The following OPRK1 variants were observed in gnomAD, a reference collection of about 807,000 sequenced individuals.
The protein encoded by OPRK1 is kappa-type opioid receptor.
OPRK1 carries 15 observed loss-of-function variants against 24.5 expected under a neutral mutation model. The observed-to-expected ratio is 0.61, with a 90% CI of 0.41 to 0.94. The LOEUF is 0.94. Ranked by LOEUF, OPRK1 falls within the 40% of genes least tolerant of loss-of-function variation. The pLI is 0.00. For synonymous variants in OPRK1, 205 were observed against 198.0 expected, an observed-to-expected ratio of 1.04 and a Z score of -0.30; for missense variants, 479 against 507.3, an observed-to-expected ratio of 0.94 and a Z score of 0.54.
intron 2 of OPRK1, among the ~76,000 whole-genome samples, chr8:53,235,828 G>A (rs959806040): frequency 3.9e-5 from 6 of 152,306 alleles, no homozygotes; most frequent in Middle Eastern, 3.4e-3. Flanking sequence ...CCAATTGAGA[G>A]AAGAGTAATT....
rs542612524 is a variant in OPRK1 at position 53,251,594 on chromosome 8, C to G, written c.-195G>C. On this transcript the variant is annotated 5_prime_UTR_variant, in exon 1 of 4. Coordinates refer to ENST00000265572, the MANE Select transcript of OPRK1 (RefSeq NM_000912.5). ...GCTCTCCGCCCGAGGGCTGCTGTTC[C>G]GCCGAGCGCAGCCCCCGCCTCTCAG... 4 of 151,886 alleles carry G rather than the reference C, an allele frequency of 2.6e-5. No homozygotes were observed. In the East Asian group the frequency reaches 7.7e-4, roughly 29 times the overall value. The allele number at this position is 151,886 out of a possible 1,614,324, so 9.4% of individuals were successfully genotyped here. A position where few individuals can be genotyped will look rare whatever the true frequency, so the allele number is the denominator to read the frequency against.
chr8:53,243,243 A>G (rs1317611977), intron 2 of OPRK1, among the ~76,000 whole-genome samples: 1 of 152,260 alleles, frequency 6.6e-6, no homozygotes, highest in Admixed American at 6.5e-5. Context: ...ATGACAATTA[A>G]GTGCATCCAA....
At chr8:53,244,211 T>C (rs751711632) in intron 2 of OPRK1, among the ~76,000 whole-genome samples, 1 of 138,642 alleles carries the variant, frequency 7.2e-6, no homozygotes, top group Non-Finnish European at 1.5e-5. Flanking sequence ...AATGAGTCAG[T>C]AAATGGCACA....
In OPRK1 at chr8:53,229,388, C is replaced by G. The variant is rs1348911140; in HGVS notation, c.1052G>C (p.Arg351Thr). The G allele has an allele frequency of 4.3e-6, 7 of 1,614,202 alleles. No homozygotes were observed. Among genetic ancestry groups the G allele is most frequent in the Non-Finnish European group, 5.1e-6 (6 of 1,180,044 alleles). The change falls in exon 4 of 4, where the codon AGG becomes ACG. Residue 351 changes from arginine to threonine, a missense_variant. Physicochemically the swap from Arg to Thr is moderately conservative, Grantham distance 71 (BLOSUM62 -1). Coordinates refer to ENST00000265572, the MANE Select transcript of OPRK1 (RefSeq NM_000912.5). ...FRDFCFPLKM[R>T]MERQSTSRVR... is the part of the protein sequence containing the mutation. ...TCTGCTAGTGCTCTGCCGCTCCATC[C>G]TCATCTTCAGTGGAAAGCAGAAGTC...
intron 3 of OPRK1, 34 bp downstream of exon 3, chr8:53,234,725 A>G (rs1438341221): frequency 6.4e-7 from 1 of 1,562,176 alleles, no homozygotes; most frequent in Non-Finnish European, 8.8e-7. Context: ...TTGAAGCTAC[A>G]TTTTTATGAA....
rs1326821716 is a variant in OPRK1 at position 53,226,122 on chromosome 8, G to A, written c.*3175C>T. 6.6e-6 allele frequency: 1 copy of A among 152,144 alleles called. No individual in the cohort carries two copies. Among genetic ancestry groups the A allele is most frequent in the East Asian group, 1.9e-4 (1 of 5,186 alleles). 9.4% of individuals were successfully genotyped at this position (152,144 alleles called of 1,614,324 possible). A position where few individuals can be genotyped will look rare whatever the true frequency, so the allele number is the denominator to read the frequency against. On this transcript the variant is annotated 3_prime_UTR_variant, in exon 4 of 4. Coordinates refer to ENST00000265572, the MANE Select transcript of OPRK1 (RefSeq NM_000912.5). ...TCTGACAATAGTTATACACGTTTAA[G>A]AACTGTATTTCTTAGTAATATATCA... is the stretch of plus-strand genomic sequence containing the variant.
rs1563324348 is a variant in OPRK1, at chr8:53,226,734, TACTTTATC to T, written c.*2555_*2562del. 4 of 112,356 alleles carry T rather than the reference TACTTTATC, an allele frequency of 3.6e-5. No individual in the cohort carries two copies. Among genetic ancestry groups the T allele is most frequent in the Non-Finnish European group, 5.2e-5 (3 of 57,616 alleles). 7.0% of individuals were successfully genotyped at this position (112,356 alleles called of 1,614,324 possible). On this transcript the variant is annotated 3_prime_UTR_variant, in exon 4 of 4. Coordinates refer to ENST00000265572, the MANE Select transcript of OPRK1 (RefSeq NM_000912.5). The stretch of plus-strand genomic sequence containing the variant: ...GTGGTATTTTCCCTGCTACGTTGTT[TACTTTATC>T]ATTCCTTTAAAGCAGTACCCTAAAA...
chr8:53,248,273 C>A (rs1176477689), intron 2 of OPRK1, among the ~76,000 whole-genome samples: 1 of 152,062 alleles, frequency 6.6e-6, no homozygotes, highest in Admixed American at 6.6e-5. Context: ...TAAAAGTAGG[C>A]ATATCTTTCT....
rs80065014 is a variant in OPRK1, at chr8:53,230,990, T to C, written c.611-1161A>G. The stretch of plus-strand genomic sequence containing the variant: ...GCAATCTTAATAGAATATCCAATCT[T>C]ACTAGAATTTTAATTACATATACTT... On this transcript the variant is annotated intron_variant, in intron 3 of 3. Coordinates refer to ENST00000265572, the MANE Select transcript of OPRK1 (RefSeq NM_000912.5). 3.3e-3 allele frequency among the ~76,000 whole-genome samples: 508 copies of C among 152,320 alleles called. 6 individuals are homozygous for C. The highest frequency in any genetic ancestry group is 0.012 in the African/African-American group (490 of 41,562).
At chr8:53,233,085 T>G (rs1191767047) in intron 3 of OPRK1, among the ~76,000 whole-genome samples, 2 of 152,218 alleles carry the variant, frequency 1.3e-5, no homozygotes, top group African/African-American at 2.4e-5. Context: ...ATTTACCTAG[T>G]AGTATAGCTT....
chr8:53,234,724 C>T, intron 3 of OPRK1, 35 bp downstream of exon 3: 1 of 1,558,264 alleles, frequency 6.4e-7, no homozygotes, highest in Non-Finnish European at 8.8e-7. Context: ...TTTGAAGCTA[C>T]ATTTTTATGA....
intron 3 of OPRK1, among the ~76,000 whole-genome samples, chr8:53,233,934 A>G (rs1806917266): frequency 6.6e-6 from 1 of 152,052 alleles, no homozygotes; most frequent in South Asian, 2.1e-4. Flanking sequence ...GCAGTGGCTC[A>G]CGCCTGTAAT....
In OPRK1 at chr8:53,235,111, T is replaced by C; in HGVS notation, c.258A>G (p.Arg86=). Residue 86 remains arginine, a splice_region_variant and synonymous_variant, in exon 3 of 4, where the codon CGA becomes CGG. Coordinates refer to ENST00000265572, the MANE Select transcript of OPRK1 (RefSeq NM_000912.5). The stretch of plus-strand genomic sequence containing the variant: ...TGGTTGCTGTCTTCATCTTTGTGTA[T>C]CTAAAAGAAAAGAAACAATAGCATT... The part of the protein sequence containing the change: ...GNSLVMFVII[R]YTKMKTATNI... 6.2e-7 allele frequency: 1 copy of C among 1,609,344 alleles called. No homozygotes were observed. The highest frequency in any genetic ancestry group is 1.1e-5 in the South Asian group (1 of 90,806).
intron 2 of OPRK1, chr8:53,238,628 A>T: frequency 1.0e-6 from 1 of 985,454 alleles, no homozygotes; most frequent in Non-Finnish European, 1.2e-6. Flanking sequence ...ACTCAAGACC[A>T]TCCTAGCGTA....
chr8:53,238,812 G>A, intron 2 of OPRK1: 1 of 545,280 alleles, frequency 1.8e-6, no homozygotes, highest in Non-Finnish European at 2.3e-6. Context: ...TGAGAAGGGG[G>A]AGCTGACCCT....
At chr8:53,250,258 C>T (rs1163658398) in intron 2 of OPRK1, among the ~76,000 whole-genome samples, 2 of 152,148 alleles carry the variant, frequency 1.3e-5, no homozygotes, top group Non-Finnish European at 2.9e-5. Flanking sequence ...ATATCAACAA[C>T]GCTAGAGCAT....
At chr8:53,242,807 C>T (rs1317099890) in intron 2 of OPRK1, 1 of 1,246,854 alleles carries the variant, frequency 8.0e-7, no homozygotes, top group African/African-American at 1.5e-5. Context: ...CGCCCGGCCA[C>T]TCCAGCCATT....
Position 53,228,440 on chromosome 8 carries a change from A to C in OPRK1, c.*857T>G, listed in dbSNP as rs1174368172. On this transcript the variant is annotated 3_prime_UTR_variant, in exon 4 of 4. Transcript: ENST00000265572. ...CAGCATCAACTTAGCAACTCAGGGG[A>C]TATCATTAGTGTGCCCTCAGGAAAT... The C allele has an allele frequency of 2.0e-5, 3 of 152,190 alleles. No individual in the cohort carries two copies. Among genetic ancestry groups the C allele is most frequent in the African/African-American group, 7.2e-5 (3 of 41,432 alleles). The allele number at this position is 152,190 out of a possible 1,614,324, so 9.4% of individuals were successfully genotyped here. A position where few individuals can be genotyped will look rare whatever the true frequency, so the allele number is the denominator to read the frequency against.
At chr8:53,251,309 G>T (rs954358141) in intron 1 of OPRK1, 139 bp downstream of exon 1, 22 of 517,288 alleles carry the variant, frequency 4.3e-5, no homozygotes, top group African/African-American at 3.7e-4. Context: ...AGCCCCTGAG[G>T]TGCCTCCCTC....
Sources: gnomAD v4.1 joint callset for allele counts (sites outside exome capture counted in the v4.1 genomes callset) on GRCh38, gnomAD v4.1.1 for gene constraint, MANE v1.5 for transcripts, NCBI Gene and HGNC (gene_info 2026-07-23, HGNC 2026-07-21) for gene names.